ABCC8: variants seen among roughly 807,000 people sequenced by gnomAD.
The protein encoded by ABCC8 is ATP-binding cassette sub-family C member 8.
Under a neutral mutation model 188.0 loss-of-function variants are expected in ABCC8, and 137 were observed. That is an observed-to-expected ratio of 0.73 (90% CI 0.63 to 0.84). The LOEUF (loss-of-function observed/expected upper bound fraction) is 0.84, where lower values mean the gene tolerates loss of function less well. Ranked by LOEUF, ABCC8 falls within the 40% of genes least tolerant of loss-of-function variation. The probability of loss-of-function intolerance (pLI) is 0.00; values close to 1 mark genes in which losing one functional copy is unlikely to be tolerated. For missense variants in ABCC8, 1,750 were observed against 2,072.7 expected, an observed-to-expected ratio of 0.84 and a Z score of 3.02; for synonymous variants, 797 against 846.5, an observed-to-expected ratio of 0.94 and a Z score of 1.01.
chr11:17,431,340 T>G (rs1955839815), intron 11 of ABCC8, among the ~76,000 whole-genome samples: 1 of 152,216 alleles, frequency 6.6e-6, no homozygotes, highest in Non-Finnish European at 1.5e-5. Context: ...ATTACGAAAC[T>G]GCACAGTGCT....
At chr11:17,423,937 TTCACCTCA>T (rs1955466637) in intron 16 of ABCC8, among the ~76,000 whole-genome samples, 1 of 152,206 alleles carries the variant, frequency 6.6e-6, no homozygotes, top group Admixed American at 6.5e-5. Flanking sequence ...GACAACTTGC[TTCACCTCA>T]GTTTCCTAAT....
At chr11:17,446,127 G>A (rs568380065) in intron 8 of ABCC8, among the ~76,000 whole-genome samples, 31 of 151,892 alleles carry the variant, frequency 2.0e-4, no homozygotes, top group Non-Finnish European at 3.4e-4. Flanking sequence ...CATCATGCCC[G>A]GCTAATTTTT....
chr11:17,395,592 AG>A lies in ABCC8; in HGVS notation c.4307+17del, dbSNP rs1235101031. 4 of 1,546,564 alleles carry A rather than the reference AG, an allele frequency of 2.6e-6. No homozygotes were observed. The Admixed American group carries it at 5.9e-5, about 23-fold the overall frequency. ...GCCGGCCTGGGGCTGGGTGGGCCTG[AG>A]GGGTGGTGGGGCTCACCGGATGGTG... On this transcript the variant is annotated intron_variant, in intron 35 of 38. Coordinates refer to ENST00000389817, the MANE Select transcript of ABCC8 (RefSeq NM_000352.6).
chr11:17,473,100 G>T (rs1163060344), intron 2 of ABCC8, among the ~76,000 whole-genome samples: 3 of 152,208 alleles, frequency 2.0e-5, no homozygotes, highest in Non-Finnish European at 2.9e-5. Flanking sequence ...GGCCCAGAAA[G>T]CCTGAATGAC....
At chr11:17,392,845 T>C (rs186741207), downstream of ABCC8, 1 of 951,568 alleles carries the variant, frequency 1.1e-6, no homozygotes, top group Non-Finnish European at 1.6e-6. Context: ...GAACCCACCA[T>C]CCACCGCCAG....
chr11:17,408,712 G>T, intron 22 of ABCC8, 195 bp from the exon 23 acceptor site: 1 of 371,688 alleles, frequency 2.7e-6, no homozygotes, highest in Non-Finnish European at 3.7e-6. Flanking sequence ...CTAGAGTTCG[G>T]TACATCTGAG....
At chr11:17,435,580 G>A (rs1591816280) in intron 10 of ABCC8, 1 of 1,355,468 alleles carries the variant, frequency 7.4e-7, no homozygotes, top group Non-Finnish European at 1.1e-6. Flanking sequence ...CAAATAAGGA[G>A]AACTTTTCCC....
At position 17,448,630 on chromosome 11, in the gene ABCC8, G is replaced by T. The variant is rs1487039219; in HGVS notation, c.1218C>A (p.Asn406Lys). The change falls in exon 8 of 39, where the codon AAC becomes AAA. Residue 406 changes from asparagine to lysine, a missense_variant. Physicochemically the swap from Asn to Lys is moderately conservative, Grantham distance 94 (BLOSUM62 0). Transcript: ENST00000389817. ...CAGCAGTCATTTCTCCCATGGACAG[G>T]TTGGAGGTGGACAGGTGCATAATTT... ...YNKIMHLSTS[N>K]LSMGEMTAGQ... 1 of 1,614,058 alleles carries T rather than the reference G, an allele frequency of 6.2e-7. No individual in the cohort carries two copies. The highest frequency in any genetic ancestry group is 8.5e-7 in the Non-Finnish European group (1 of 1,180,002).
chr11:17,427,954 G>T lies in ABCC8; in HGVS notation c.2041-12C>A, dbSNP rs201419039. 5.6e-6 allele frequency: 9 copies of T among 1,612,574 alleles called. No individual in the cohort carries two copies. Among genetic ancestry groups the T allele is most frequent in the African/African-American group, 1.3e-5 (1 of 74,884 alleles). On this transcript the variant is annotated splice_polypyrimidine_tract_variant and intron_variant, in intron 14 of 38. Coordinates refer to ENST00000389817, the MANE Select transcript of ABCC8 (RefSeq NM_000352.6). The surrounding 1 kb of genome is among the most constrained non-coding windows in gnomAD (Gnocchi z 5.0). ...TAGCCTCCCATGATCTTCATTAGGC[G>T]TGTCCCACCGCCCAGGAGAGAACAG... is the stretch of plus-strand genomic sequence containing the variant.
chr11:17,417,830 A>C (rs1955156204), intron 16 of ABCC8, among the ~76,000 whole-genome samples: 1 of 151,822 alleles, frequency 6.6e-6, no homozygotes. Flanking sequence ...GCTCACTGCA[A>C]CCTCCACCTC....
chr11:17,407,583 G>T, intron 23 of ABCC8, 130 bp from the exon 24 acceptor site: 2 of 1,460,284 alleles, frequency 1.4e-6, no homozygotes, highest in South Asian at 1.2e-5. Flanking sequence ...TGAGGGAGGG[G>T]CAGACAGACA....
chr11:17,406,285 G>C (rs945757518), intron 26 of ABCC8, among the ~76,000 whole-genome samples: 1 of 152,150 alleles, frequency 6.6e-6, no homozygotes, highest in Admixed American at 6.5e-5. Flanking sequence ...TGAGGGGAGG[G>C]CAGGGAGCTG....
intron 10 of ABCC8, 102 bp from the exon 11 acceptor site, chr11:17,432,346 C>G: frequency 2.6e-6 from 4 of 1,547,822 alleles, no homozygotes; most frequent in Admixed American, 2.0e-5. Flanking sequence ...GTGGGGCCAG[C>G]CTGTGGGGCA....
rs1301608591 is a variant in ABCC8 at position 17,427,526 on chromosome 11, GC to G, written c.2116+340del. ...GCTGCCTCTGCCAGAAAATCCTCCTGCCTCATGGCCTCAGGGCCTTTGTCCA... is the reference window on the plus strand; with the variant it reads ...GCTGCCTCTGCCAGAAAATCCTCCTGCTCATGGCCTCAGGGCCTTTGTCCA... On this transcript the variant is annotated intron_variant, in intron 15 of 38. Transcript: ENST00000389817. This position sits in a 1 kb window ranked among gnomAD's most constrained non-coding sequence, Gnocchi z 5.0. Among the ~76,000 whole-genome samples, 1 of 152,160 alleles carries G rather than the reference GC, an allele frequency of 6.6e-6. No individual in the cohort carries two copies. Among genetic ancestry groups the G allele is most frequent in the Non-Finnish European group, 1.5e-5 (1 of 68,034 alleles).
At chr11:17,408,952 C>CTTTTT (rs376681171) in intron 22 of ABCC8, among the ~76,000 whole-genome samples, 14 of 125,820 alleles carry the variant, frequency 1.1e-4, no homozygotes, top group Non-Finnish European at 2.3e-4. Context: ...ATCAATAAAT[C>CTTTTT]TTTTTTTTTT....
chr11:17,402,982 C>T (rs531327572), intron 28 of ABCC8, among the ~76,000 whole-genome samples: 1 of 152,340 alleles, frequency 6.6e-6, no homozygotes, highest in East Asian at 1.9e-4. Flanking sequence ...TGATGTGGGG[C>T]ACAATTACTG....
intron 8 of ABCC8, 42 bp downstream of exon 8, chr11:17,448,474 T>A (rs1956626218): frequency 1.9e-6 from 3 of 1,572,610 alleles, no homozygotes; most frequent in Non-Finnish European, 2.6e-6. Context: ...TCTGGTTGTG[T>A]GTCCTGCTGC....
In ABCC8 at chr11:17,438,826, G is replaced by A. The variant is rs892576455; in HGVS notation, c.1630+3894C>T. 2.6e-5 allele frequency among the ~76,000 whole-genome samples: 4 copies of A among 152,300 alleles called. No homozygotes were observed. In the East Asian group the frequency reaches 5.8e-4, roughly 22 times the overall value. On this transcript the variant is annotated intron_variant, in intron 10 of 38. Coordinates refer to ENST00000389817, the MANE Select transcript of ABCC8 (RefSeq NM_000352.6). ...CCTTCTCTGTGCTTCGCCTTTTGCT[G>A]TGGAAGACCTCACTGAGACATTTCA...
At chr11:17,406,196 C>G (rs1421922250) in intron 26 of ABCC8, among the ~76,000 whole-genome samples, 2 of 152,140 alleles carry the variant, frequency 1.3e-5, no homozygotes, top group Non-Finnish European at 2.9e-5. Flanking sequence ...TTTTATCCAT[C>G]CCATTACAGG....
Sources: gnomAD v4.1 joint callset for allele counts (sites outside exome capture counted in the v4.1 genomes callset) on GRCh38, gnomAD v4.1.1 for gene constraint, Gnocchi (gnomAD v3.1) non-coding constraint, MANE v1.5 for transcripts, NCBI Gene and HGNC (gene_info 2026-07-23, HGNC 2026-07-21) for gene names.